Variants in CIC observed in about 807,000 individuals in gnomAD.
The protein encoded by CIC is capicua transcriptional repressor.
Under a neutral mutation model 115.7 loss-of-function variants are expected in CIC, and 18 were observed. That is an observed-to-expected ratio of 0.16 (90% CI 0.11 to 0.23). The LOEUF (loss-of-function observed/expected upper bound fraction) is 0.23, where lower values mean the gene tolerates loss of function less well. Ranked by LOEUF, CIC falls within the 10% of genes least tolerant of loss-of-function variation. The probability of loss-of-function intolerance (pLI) is 1.00; values close to 1 mark genes in which losing one functional copy is unlikely to be tolerated. For synonymous variants in CIC, 1,076 were observed against 923.0 expected, an observed-to-expected ratio of 1.17 and a Z score of -3.01; for missense variants, 2,000 against 2,159.3, an observed-to-expected ratio of 0.93 and a Z score of 1.46.
chr19:42,289,635 G>A (rs2037925938), intron 9 of CIC, among the ~76,000 whole-genome samples: 1 of 152,228 alleles, frequency 6.6e-6, no homozygotes, highest in South Asian at 2.1e-4. Context: ...ATCTTCAGGT[G>A]CAGTGTTAGG....
chr19:42,287,758 C>T lies in CIC; in HGVS notation c.3492+31C>T, dbSNP rs768135574. On this transcript the variant is annotated intron_variant, in intron 6 of 20. Coordinates refer to ENST00000681038, the MANE Select transcript of CIC (RefSeq NM_001386298.1). The surrounding 1 kb of genome is among the most constrained non-coding windows in gnomAD (Gnocchi z 8.7). ...GCTGTTGCCTCTTGGCTCCTCCCAG[C>T]TTCTTCTGGTGGGGTGGGTGAGTGA... is the stretch of plus-strand genomic sequence containing the variant. 1 of 1,614,160 alleles carries T rather than the reference C, an allele frequency of 6.2e-7. No individual in the cohort carries two copies.
chr19:42,289,632 G>C (rs1300154530), intron 9 of CIC, among the ~76,000 whole-genome samples: 1 of 152,246 alleles, frequency 6.6e-6, no homozygotes, highest in Non-Finnish European at 1.5e-5. Context: ...CAGATCTTCA[G>C]GTGCAGTGTT....
rs1016351040 is a variant in CIC, at chr19:42,270,839, G to A, written c.-10-935G>A. Among the ~76,000 whole-genome samples the A allele has an allele frequency of 7.9e-5, 12 of 152,176 alleles. No individual in the cohort carries two copies. The highest frequency in any genetic ancestry group is 2.6e-4 in the Admixed American group (4 of 15,284). On this transcript the variant is annotated intron_variant, in intron 1 of 20. Coordinates refer to ENST00000681038, the MANE Select transcript of CIC (RefSeq NM_001386298.1). This position sits in a 1 kb window ranked among gnomAD's most constrained non-coding sequence, Gnocchi z 4.1. ...TGTGTGATGACGTGTGCGTGCTTCT[G>A]TGCGTGTGTGTGTGTTTGTGCGCGT...
intron 1 of CIC, among the ~76,000 whole-genome samples, chr19:42,269,811 G>T (rs1457620442): frequency 6.6e-6 from 1 of 150,392 alleles, no homozygotes; most frequent in Non-Finnish European, 1.5e-5. Flanking sequence ...AGAGATAGAG[G>T]TAGTGACAGG....
Position 42,287,265 on chromosome 19 carries a change from TG to T in CIC, c.3179+30del. 1 of 1,613,880 alleles carries T rather than the reference TG, an allele frequency of 6.2e-7. No homozygotes were observed. Among genetic ancestry groups the T allele is most frequent in the Non-Finnish European group, 8.5e-7 (1 of 1,179,958 alleles). On this transcript the variant is annotated intron_variant, in intron 4 of 20. Coordinates refer to ENST00000681038, the MANE Select transcript of CIC (RefSeq NM_001386298.1). The surrounding 1 kb of genome is among the most constrained non-coding windows in gnomAD (Gnocchi z 8.7). The stretch of plus-strand genomic sequence containing the variant: ...CGTGAGTTCCCTGAGGCCTGGGACT[TG>T]GGGGTGGGATGGCCAGAGACATGGC...
At chr19:42,275,498 G>A (rs1386967204) in intron 2 of CIC, among the ~76,000 whole-genome samples, 1 of 152,086 alleles carries the variant, frequency 6.6e-6, no homozygotes, top group Non-Finnish European at 1.5e-5. Flanking sequence ...AGGAGGGGAA[G>A]AGGGAAGGCC....
At chr19:42,281,986 G>A (rs961424212) in intron 2 of CIC, among the ~76,000 whole-genome samples, 5 of 152,220 alleles carry the variant, frequency 3.3e-5, no homozygotes, top group African/African-American at 1.2e-4. Context: ...CTTGCCAGTA[G>A]GTGACTCACT....
intron 2 of CIC, 77 bp from the exon 3 acceptor site, chr19:42,286,694 C>T (rs2037671982): frequency 1.3e-6 from 2 of 1,596,902 alleles, no homozygotes; most frequent in African/African-American, 1.4e-5. Flanking sequence ...GCTACCTCAT[C>T]TAGGGTGGGG....
chr19:42,291,770 C>T lies in CIC; in HGVS notation c.5613+25C>T, dbSNP rs561379716. The T allele has an allele frequency of 8.7e-6, 14 of 1,612,366 alleles. No homozygotes were observed. In the South Asian group the frequency reaches 9.9e-5, roughly 11 times the overall value. The stretch of plus-strand genomic sequence containing the variant: ...GGTGAGGGCCTGCCTTTCTCTCTAC[C>T]TGCTGGATGTTGGCCCCTGTACCCC... On this transcript the variant is annotated intron_variant, in intron 12 of 20. Coordinates refer to ENST00000681038, the MANE Select transcript of CIC (RefSeq NM_001386298.1).
rs1241495908 is a variant in CIC at position 42,294,082 on chromosome 19, C to A, written c.6915C>A (p.Asn2305Lys). ...GCTCTTACCGCAAGAAGAGGAAGAA[C>A]TCCACGGGTAGGCGAGCATTGGGCA... ...ILGSYRKKRK[N>K]STDLDSAPED... Residue 2305 changes from asparagine (N) to lysine (K), a missense_variant, in exon 18 of 21, where the codon AAC becomes AAA. Asn to Lys is a moderately conservative substitution (Grantham distance 94). Transcript: ENST00000681038. 4.3e-6 allele frequency: 7 copies of A among 1,613,526 alleles called. No homozygotes were observed. The highest frequency in any genetic ancestry group is 8.5e-7 in the Non-Finnish European group (1 of 1,180,022).
At position 42,295,143 on chromosome 19, in the gene CIC, G is replaced by GGGGCGCCCCCCCCCC; in HGVS notation, c.7506_7507insGGGCGCCCCCCCCCC (p.Gln2502_Pro2503insGlyArgProProPro). 2.2e-6 allele frequency: 3 copies of GGGGCGCCCCCCCCCC among 1,382,738 alleles called. No homozygotes were observed. Among genetic ancestry groups the GGGGCGCCCCCCCCCC allele is most frequent in the African/African-American group, 1.5e-5 (1 of 68,110 alleles). The allele number at this position is 1,382,738 out of a possible 1,614,324, so 85.7% of individuals were successfully genotyped here. Reference sequence around the variant, plus strand: ...AGCCTGGCTGGGAGGGGGCTCCCCAGCCCTCCCCCCCACCCCCAGGTCCCT... The same window carrying GGGGCGCCCCCCCCCC: ...AGCCTGGCTGGGAGGGGGCTCCCCAGGGGCGCCCCCCCCCCCCCTCCCCCCCACCCCCAGGTCCCT... On this transcript the variant is annotated inframe_insertion, in exon 21 of 21. Coordinates refer to ENST00000681038, the MANE Select transcript of CIC (RefSeq NM_001386298.1).
chr19:42,293,026 G>A lies in CIC; in HGVS notation c.6267G>A (p.Val2089=), dbSNP rs1360489623. ...CCAGCCCGAAGGCCCCCCAGAAAGT[G>A]AAGGCAGCCATCGCCAGCATTCCCG... ...QRPSPKAPQK[V]KAAIASIPVG... The change falls in exon 16 of 21, where the codon GTG becomes GTA. Residue 2089 remains valine, a synonymous_variant. Coordinates refer to ENST00000681038, the MANE Select transcript of CIC (RefSeq NM_001386298.1). The A allele has an allele frequency of 1.2e-6, 2 of 1,613,298 alleles. No homozygotes were observed. Among genetic ancestry groups the A allele is most frequent in the South Asian group, 2.2e-5 (2 of 91,072 alleles).
At position 42,289,365 on chromosome 19, in the gene CIC, G is replaced by A. The variant is rs560617801; in HGVS notation, c.4046G>A (p.Arg1349His). 7 of 1,610,590 alleles carry A rather than the reference G, an allele frequency of 4.3e-6. No homozygotes were observed. Among genetic ancestry groups the A allele is most frequent in the South Asian group, 3.3e-5 (3 of 90,774 alleles). Residue 1349 changes from arginine to histidine, a missense_variant, in exon 9 of 21, where the codon CGC (arginine) becomes CAC (histidine). By Grantham distance (29) the Arg-to-His change is conservative. This residue lies in a region of CIC where 1,466 missense variants were observed against 1,390.4 expected (regional missense o/e 1.05). Transcript: ENST00000681038. Reference protein sequence around the residue: ...ASEDMTSDEERMVICEEEGDD... With the variant: ...ASEDMTSDEEHMVICEEEGDD... Reference sequence around the variant, plus strand: ...GAGGACATGACGAGTGATGAGGAGCGCATGGTCATCTGTGAGGAGGAAGGG... The same window carrying A: ...GAGGACATGACGAGTGATGAGGAGCACATGGTCATCTGTGAGGAGGAAGGG...
Position 42,292,736 on chromosome 19 carries a change from C to A in CIC, c.6073C>A (p.Pro2025Thr), listed in dbSNP as rs576577676. The stretch of plus-strand genomic sequence containing the variant: ...CCTGGCCCAGCCATCCCAGGCCCCC[C>A]CAAGCCTGGTCTACACTGTGGCCAC... ...APLAQPSQAP[P>T]SLVYTVATST... is the part of the protein sequence containing the mutation. The change falls in exon 15 of 21, where the codon CCA becomes ACA. Residue 2025 changes from proline (P) to threonine (T), a missense_variant. Physicochemically the swap from Pro to Thr is conservative, Grantham distance 38. Coordinates refer to ENST00000681038, the MANE Select transcript of CIC (RefSeq NM_001386298.1). 3 of 1,613,832 alleles carry A rather than the reference C, an allele frequency of 1.9e-6. No homozygotes were observed. Among genetic ancestry groups the A allele is most frequent in the Non-Finnish European group, 8.5e-7 (1 of 1,179,968 alleles).
chr19:42,291,922 C>T (rs1368857467), intron 12 of CIC, among the ~76,000 whole-genome samples, 164 bp from the exon 13 acceptor site: 1 of 152,224 alleles, frequency 6.6e-6, no homozygotes. Flanking sequence ...GTACCCTCCT[C>T]CTTCTCTGTG....
At position 42,292,325 on chromosome 19, in the gene CIC, G is replaced by C. The variant is rs757618378; in HGVS notation, c.5761G>C (p.Gly1921Arg). Residue 1921 changes from glycine (G) to arginine (R), a missense_variant, in exon 14 of 21, where the codon GGG becomes CGG. Gly to Arg is a moderately radical substitution (Grantham distance 125). This residue lies in a region of CIC where 1,466 missense variants were observed against 1,390.4 expected (regional missense o/e 1.05). Transcript: ENST00000681038. Reference sequence around the variant, plus strand: ...AATCACCTATGTGCAGTCAGCGGGCGGGCACGCGCTGCCCCTGGGTACCAG... The same window carrying C: ...AATCACCTATGTGCAGTCAGCGGGCCGGCACGCGCTGCCCCTGGGTACCAG... ...TRITYVQSAG[G>R]HALPLGTSPA... 6.2e-7 allele frequency: 1 copy of C among 1,613,152 alleles called. No homozygotes were observed. The highest frequency in any genetic ancestry group is 8.5e-7 in the Non-Finnish European group (1 of 1,180,000).
At chr19:42,293,379 G>A (rs985531273) in intron 16 of CIC, 98 bp downstream of exon 16, 17 of 1,393,530 alleles carry the variant, frequency 1.2e-5, no homozygotes, top group Non-Finnish European at 1.3e-5. Flanking sequence ...CCATGCCTGT[G>A]TGTCTCTCAG....
chr19:42,292,398 G>A lies in CIC; in HGVS notation c.5834G>A (p.Ser1945Asn), dbSNP rs753738664. The A allele has an allele frequency of 1.2e-6, 2 of 1,612,322 alleles. No individual in the cohort carries two copies. The highest frequency in any genetic ancestry group is 1.7e-5 in the Admixed American group (1 of 59,998). The change falls in exon 14 of 21, where the codon AGC becomes AAC. Residue 1945 changes from serine (S) to asparagine (N), a missense_variant. Physicochemically the swap from Ser to Asn is conservative, Grantham distance 46. Around this residue, in one of 8 missense-constraint regions of CIC, gnomAD observed 1,466 missense variants for 1,390.4 expected, o/e 1.05. Transcript: ENST00000681038. ...AGTVTSYGPT[S>N]SVALGFTSLG... is the part of the protein sequence containing the mutation. ...ACAGTCACCTCGTACGGGCCCACGAGCTCTGTAGCTCTAGGCTTCACCTCG... is the reference window on the plus strand; with the variant it reads ...ACAGTCACCTCGTACGGGCCCACGAACTCTGTAGCTCTAGGCTTCACCTCG...
In CIC at chr19:42,295,034, C is replaced by T; in HGVS notation, c.7397C>T (p.Pro2466Leu). Reference protein sequence around the residue: ...PAPTPSPAGGPDPTSPSSDSG... With the variant: ...PAPTPSPAGGLDPTSPSSDSG... ...CCCACTCCCAGCCCCGCAGGGGGCC[C>T]TGACCCCACCTCACCCAGCTCGGAC... Residue 2466 changes from proline (P) to leucine (L), a missense_variant, in exon 21 of 21, where the codon CCT becomes CTT. By Grantham distance (98) the Pro-to-Leu change is moderately conservative. This residue lies in a region of CIC where 133 missense variants were observed against 116.0 expected (regional missense o/e 1.15). Coordinates refer to ENST00000681038, the MANE Select transcript of CIC (RefSeq NM_001386298.1). The T allele has an allele frequency of 6.4e-7, 1 of 1,567,982 alleles. No homozygotes were observed. Among genetic ancestry groups the T allele is most frequent in the Non-Finnish European group, 8.6e-7 (1 of 1,164,104 alleles).
Sources: allele counts gnomAD v4.1 joint callset (sites outside exome capture counted in the v4.1 genomes callset), GRCh38; gene constraint gnomAD v4.1.1; regional missense constraint gnomAD v4.1.1; non-coding constraint Gnocchi (gnomAD v3.1); transcripts MANE v1.5; gene names NCBI Gene and HGNC (gene_info 2026-07-23, HGNC 2026-07-21).